Variants in ARHGAP25 observed in about 807,000 individuals in gnomAD.
The protein encoded by ARHGAP25 is Rho GTPase activating protein 25.
In ARHGAP25, 34 loss-of-function variants were observed where a neutral mutation model predicts 71.0. That is an observed-to-expected ratio of 0.48 (90% CI 0.36 to 0.64). The LOEUF is 0.64. Ranked by LOEUF, ARHGAP25 falls within the 30% of genes least tolerant of loss-of-function variation. The probability of loss-of-function intolerance (pLI) is 0.00; values close to 1 mark genes in which losing one functional copy is unlikely to be tolerated. For synonymous variants in ARHGAP25, 282 were observed against 296.5 expected, an observed-to-expected ratio of 0.95 and a Z score of 0.50; for missense variants, 706 against 805.1, an observed-to-expected ratio of 0.88 and a Z score of 1.49.
At chr2:68,747,347 A>G (rs1675896048) in intron 1 of ARHGAP25, among the ~76,000 whole-genome samples, 2 of 152,318 alleles carry the variant, frequency 1.3e-5, no homozygotes, top group South Asian at 4.1e-4. Context: ...AGCCTAGTAC[A>G]AAATGAAAAT....
chr2:68,714,717 A>G (rs192642248), intron 2 of ARHGAP25, among the ~76,000 whole-genome samples: 3 of 152,092 alleles, frequency 2.0e-5, no homozygotes, highest in African/African-American at 7.2e-5. Context: ...TACCTTATTT[A>G]TTTCTGCCTT....
At chr2:68,797,184 C>G (rs773816915) in intron 4 of ARHGAP25, among the ~76,000 whole-genome samples, 12 of 152,172 alleles carry the variant, frequency 7.9e-5, no homozygotes, top group Non-Finnish European at 4.4e-5. Context: ...TATTCAGGCC[C>G]TCCAATGGCA....
At chr2:68,805,258 A>G (rs1179718363) in intron 4 of ARHGAP25, among the ~76,000 whole-genome samples, 1 of 152,170 alleles carries the variant, frequency 6.6e-6, no homozygotes, top group African/African-American at 2.4e-5. Flanking sequence ...ACATCAGGCC[A>G]GGAAAGCAGG....
intron 2 of ARHGAP25, among the ~76,000 whole-genome samples, chr2:68,717,702 C>G (rs1233123982): frequency 6.6e-6 from 1 of 152,180 alleles, no homozygotes; most frequent in Non-Finnish European, 1.5e-5. Flanking sequence ...TGTATAAACA[C>G]TATCCATAAA....
chr2:68,730,049 T>C (rs1326481192), upstream of ARHGAP25, among the ~76,000 whole-genome samples: 1 of 152,244 alleles, frequency 6.6e-6, no homozygotes, highest in Non-Finnish European at 1.5e-5. Flanking sequence ...CCACTGATGA[T>C]GTTTTGGAAA....
intron 2 of ARHGAP25, among the ~76,000 whole-genome samples, chr2:68,728,100 G>A (rs1316436577): frequency 1.3e-5 from 2 of 152,252 alleles, no homozygotes; most frequent in Non-Finnish European, 2.9e-5. Flanking sequence ...TTGAAGGCTT[G>A]AGTTTTAGCT....
intron 8 of ARHGAP25, 117 bp from the exon 9 acceptor site, chr2:68,819,006 C>T: frequency 1.2e-6 from 1 of 846,834 alleles, no homozygotes; most frequent in Non-Finnish European, 1.8e-6. Context: ...AAAATGAGGC[C>T]CTTCTGGGCC....
At position 68,786,143 on chromosome 2, in the gene ARHGAP25, T is replaced by C. The variant is rs145315065; in HGVS notation, c.350-1697T>C. ...TCTCCTAACCAGAAGAGTTAGTCCA[T>C]GGAAGTCCTCTTCATTCAGGAACAT... is the stretch of plus-strand genomic sequence containing the variant. On this transcript the variant is annotated intron_variant, in intron 3 of 10. Coordinates refer to ENST00000409202, the MANE Select transcript of ARHGAP25 (RefSeq NM_001007231.3). Among the ~76,000 whole-genome samples, 544 of 152,288 alleles carry C rather than the reference T, an allele frequency of 3.6e-3. 5 individuals carry two copies. Among genetic ancestry groups the C allele is most frequent in the African/African-American group, 0.013 (524 of 41,548 alleles).
intron 1 of ARHGAP25, among the ~76,000 whole-genome samples, chr2:68,759,899 C>A (rs1355216677): frequency 6.6e-6 from 1 of 151,974 alleles, no homozygotes; most frequent in African/African-American, 2.4e-5. Flanking sequence ...AAACTGCAGA[C>A]CAATATCCCT....
At position 68,822,525 on chromosome 2, in the gene ARHGAP25, A is replaced by G. The variant is rs1464701630; in HGVS notation, c.1386A>G (p.Lys462=). 6 of 1,614,230 alleles carry G rather than the reference A, an allele frequency of 3.7e-6. No individual in the cohort carries two copies. Among genetic ancestry groups the G allele is most frequent in the Non-Finnish European group, 5.1e-6 (6 of 1,180,034 alleles). Residue 462 remains lysine (K), a synonymous_variant, in exon 10 of 11, where the codon AAA becomes AAG. Coordinates refer to ENST00000409202, the MANE Select transcript of ARHGAP25 (RefSeq NM_001007231.3). ...TSAFQGANSS[K]MEIFKNEFWS... Reference sequence around the variant, plus strand: ...CTTTTCAGGGTGCCAACAGCAGCAAAATGGAGATCTTTAAAAATGAATTCT... The same window carrying G: ...CTTTTCAGGGTGCCAACAGCAGCAAGATGGAGATCTTTAAAAATGAATTCT...
intron 1 of ARHGAP25, among the ~76,000 whole-genome samples, chr2:68,765,228 C>T (rs999667202): frequency 6.6e-6 from 1 of 152,102 alleles, no homozygotes; most frequent in Non-Finnish European, 1.5e-5. Context: ...GCGGATCTGT[C>T]TGGGAGGGAA....
At position 68,826,065 on chromosome 2, in the gene ARHGAP25, T is replaced by G; in HGVS notation, c.1812T>G (p.Ser604=). ...NEELEKEKKK[S]AALEISLRNM... Reference sequence around the variant, plus strand: ...AACTGGAGAAGGAAAAGAAGAAGTCTGCAGCCCTAGAGATCAGCCTCCGCA... The same window carrying G: ...AACTGGAGAAGGAAAAGAAGAAGTCGGCAGCCCTAGAGATCAGCCTCCGCA... Residue 604 remains serine (S), a synonymous_variant, in exon 11 of 11, where the codon TCT becomes TCG. Transcript: ENST00000409202. 1 of 1,614,118 alleles carries G rather than the reference T, an allele frequency of 6.2e-7. No homozygotes were observed. The highest frequency in any genetic ancestry group is 1.1e-5 in the South Asian group (1 of 91,082).
chr2:68,748,449 T>C (rs1221210459), intron 1 of ARHGAP25, among the ~76,000 whole-genome samples: 3 of 152,246 alleles, frequency 2.0e-5, no homozygotes, highest in Non-Finnish European at 4.4e-5. Flanking sequence ...CCTTTGCATG[T>C]TTGCACTAGA....
intron 4 of ARHGAP25, among the ~76,000 whole-genome samples, chr2:68,792,864 G>A (rs1679281557): frequency 1.3e-5 from 2 of 152,132 alleles, no homozygotes; most frequent in Admixed American, 6.6e-5. Flanking sequence ...GTTTTCCATA[G>A]AGGTTGAGCT....
intron 2 of ARHGAP25, among the ~76,000 whole-genome samples, chr2:68,778,432 A>G (rs1477492060): frequency 6.6e-6 from 1 of 152,246 alleles, no homozygotes; most frequent in African/African-American, 2.4e-5. Flanking sequence ...AACCGTGGTT[A>G]TCTCTGAATA....
At chr2:68,738,912 T>C (rs931581883) in intron 1 of ARHGAP25, among the ~76,000 whole-genome samples, 15 of 152,246 alleles carry the variant, frequency 9.9e-5, no homozygotes, top group African/African-American at 3.6e-4. Context: ...GCCCACTCTA[T>C]TTTTATGCAG....
At chr2:68,800,350 G>A (rs1222239206) in intron 4 of ARHGAP25, among the ~76,000 whole-genome samples, 1 of 152,146 alleles carries the variant, frequency 6.6e-6, no homozygotes, top group Non-Finnish European at 1.5e-5. Context: ...CTTCCCCAAA[G>A]CAACCCAGTT....
At chr2:68,733,220 G>C (rs1675072647), upstream of ARHGAP25, among the ~76,000 whole-genome samples, 1 of 152,154 alleles carries the variant, frequency 6.6e-6, no homozygotes, top group African/African-American at 2.4e-5. Flanking sequence ...GCTCAGAGTT[G>C]GAGAGAGCTA....
At chr2:68,727,098 G>A (rs1357522415) in intron 2 of ARHGAP25, among the ~76,000 whole-genome samples, 1 of 152,192 alleles carries the variant, frequency 6.6e-6, no homozygotes, top group Non-Finnish European at 1.5e-5. Flanking sequence ...GCATCTGTCA[G>A]TCAAGACCAC....
Sources: gnomAD v4.1 joint callset for allele counts (sites outside exome capture counted in the v4.1 genomes callset) on GRCh38, gnomAD v4.1.1 for gene constraint, MANE v1.5 for transcripts, NCBI Gene and HGNC (gene_info 2026-07-23, HGNC 2026-07-21) for gene names.